TJP1: variants seen among roughly 807,000 people sequenced by gnomAD.
TJP1 encodes the protein tight junction protein ZO-1.
TJP1 carries 43 observed loss-of-function variants against 194.2 expected under a neutral mutation model. That is an observed-to-expected ratio of 0.22 (90% CI 0.17 to 0.29). TJP1 has a LOEUF of 0.29. TJP1 is among the 10% of genes least tolerant of loss of function. The probability of loss-of-function intolerance (pLI) is 1.00; values close to 1 mark genes in which losing one functional copy is unlikely to be tolerated. For synonymous variants in TJP1, 801 were observed against 779.0 expected (o/e 1.03, Z -0.47); for missense variants, 1,971 against 2,185.7 (o/e 0.90, Z 1.96).
intron 2 of TJP1, among the ~76,000 whole-genome samples, chr15:29,920,108 G>A (rs926214836): frequency 6.6e-5 from 10 of 152,142 alleles, no homozygotes; most frequent in African/African-American, 2.2e-4. Flanking sequence ...GCCGAAACTG[G>A]GGCACTGCCA....
At chr15:29,963,482 C>T (rs1322714220) in intron 1 of TJP1, among the ~76,000 whole-genome samples, 1 of 152,190 alleles carries the variant, frequency 6.6e-6, no homozygotes, top group East Asian at 1.9e-4. Flanking sequence ...CAAGTAATAG[C>T]TCAATGAATA....
At chr15:29,754,638 T>C (rs2045525505) in intron 8 of TJP1, among the ~76,000 whole-genome samples, 1 of 152,244 alleles carries the variant, frequency 6.6e-6, no homozygotes, top group African/African-American at 2.4e-5. Flanking sequence ...TTGGCAAAGT[T>C]GCACAGGTTA....
intron 1 of TJP1, among the ~76,000 whole-genome samples, chr15:29,808,076 T>C (rs2049228440): frequency 6.6e-6 from 1 of 152,162 alleles, no homozygotes; most frequent in East Asian, 1.9e-4. Flanking sequence ...AAGATCAGCC[T>C]GGCCAACCTG....
intron 5 of TJP1, 74 bp downstream of exon 5, chr15:29,766,192 A>G (rs1024115667): frequency 2.0e-6 from 3 of 1,528,952 alleles, no homozygotes; most frequent in South Asian, 2.6e-5. Flanking sequence ...ATGAAGAGAC[A>G]GCAACTGTAC....
At chr15:29,890,866 T>C (rs1017717182) in intron 2 of TJP1, among the ~76,000 whole-genome samples, 2 of 151,802 alleles carry the variant, frequency 1.3e-5, no homozygotes, top group African/African-American at 2.4e-5. Context: ...AATAAGAGAC[T>C]CTGCCAGCGA....
Position 29,716,806 on chromosome 15 carries a change from G to A in TJP1, c.4007C>T (p.Pro1336Leu). The A allele has an allele frequency of 6.2e-7, 1 of 1,605,332 alleles. No individual in the cohort carries two copies. Among genetic ancestry groups the A allele is most frequent in the Non-Finnish European group, 8.5e-7 (1 of 1,172,558 alleles). Residue 1336 changes from proline (P) to leucine (L), a missense_variant, in exon 23 of 28, where the codon CCA (proline) becomes CTA (leucine). Coordinates refer to ENST00000614355, the MANE Select transcript of TJP1 (RefSeq NM_001330239.4). ...ATTGGACCGAACAATATCTTCAGGT[G>A]GCTTCAGTTGAGGTTTTTGAGGTTC... ...IPEPQKPQLK[P>L]PEDIVRSNHY... is the part of the protein sequence containing the mutation.
intron 2 of TJP1, among the ~76,000 whole-genome samples, chr15:29,912,901 T>G (rs2152229710): frequency 6.6e-6 from 1 of 152,286 alleles, no homozygotes; most frequent in East Asian, 1.9e-4. Context: ...ATCAGTAATT[T>G]CATACGGTTT....
intron 9 of TJP1, among the ~76,000 whole-genome samples, chr15:29,741,668 A>G (rs554172330): frequency 1.3e-5 from 2 of 152,336 alleles, no homozygotes; most frequent in Non-Finnish European, 2.9e-5. Context: ...TGAAAAATCT[A>G]TTCTTTAAGA....
rs187196258 is a variant in TJP1, at chr15:29,776,698, A to C, written c.85-3341T>G. ...TCTTTCGGAAAATACTGGTTCCCTG[A>C]GTTAGGTAAATCTTCCAAATGATGC... On this transcript the variant is annotated intron_variant, in intron 2 of 27. Coordinates refer to ENST00000614355, the MANE Select transcript of TJP1 (RefSeq NM_001330239.4). 2.0e-5 allele frequency among the ~76,000 whole-genome samples: 3 copies of C among 152,214 alleles called. No individual in the cohort carries two copies. The East Asian group carries it at 5.8e-4, about 29-fold the overall frequency.
At chr15:29,716,964 C>G (rs1309752635) in intron 22 of TJP1, 126 bp from the exon 23 acceptor site, 1 of 793,764 alleles carries the variant, frequency 1.3e-6, no homozygotes, top group African/African-American at 1.7e-5. Flanking sequence ...TACTGAGGAT[C>G]TGAGCAGTCC....
intron 2 of TJP1, among the ~76,000 whole-genome samples, chr15:29,866,491 A>G (rs2052306474): frequency 6.6e-6 from 1 of 151,994 alleles, no homozygotes; most frequent in Non-Finnish European, 1.5e-5. Flanking sequence ...AAAACTCCAC[A>G]CTCACTGGAA....
intron 2 of TJP1, among the ~76,000 whole-genome samples, chr15:29,779,739 T>C (rs2047235072): frequency 6.6e-6 from 1 of 152,118 alleles, no homozygotes; most frequent in African/African-American, 2.4e-5. Context: ...TCTGGAAAAA[T>C]TAGCAGCAAT....
intron 2 of TJP1, among the ~76,000 whole-genome samples, chr15:29,952,872 G>T (rs1393146924): frequency 2.6e-5 from 4 of 152,086 alleles, no homozygotes; most frequent in Non-Finnish European, 5.9e-5. Context: ...TTACAAAGTG[G>T]TATCTATGGT....
intron 1 of TJP1, among the ~76,000 whole-genome samples, chr15:29,816,542 G>T (rs915811828): frequency 1.3e-5 from 2 of 152,058 alleles, no homozygotes; most frequent in African/African-American, 4.8e-5. Flanking sequence ...CTACAGTGAG[G>T]ATCATTAAAA....
At chr15:29,739,391 G>A (rs571255059) in intron 10 of TJP1, among the ~76,000 whole-genome samples, 10 of 152,230 alleles carry the variant, frequency 6.6e-5, no homozygotes, top group African/African-American at 1.7e-4. Flanking sequence ...TCCTGTCCAC[G>A]TCCTCAAATC....
chr15:29,816,728 T>C (rs1009177962), intron 1 of TJP1, among the ~76,000 whole-genome samples: 2 of 152,192 alleles, frequency 1.3e-5, no homozygotes, highest in African/African-American at 2.4e-5. Context: ...TTTTGTTCAT[T>C]AGCTTGGCCA....
At chr15:29,968,398 G>A (rs2056404589) in intron 1 of TJP1, 1 of 985,260 alleles carries the variant, frequency 1.0e-6, no homozygotes, top group Non-Finnish European at 1.2e-6. Flanking sequence ...CAGGCGTCCC[G>A]GCCGCTCCCC....
At chr15:29,882,510 C>T (rs1189499107) in intron 2 of TJP1, among the ~76,000 whole-genome samples, 1 of 152,052 alleles carries the variant, frequency 6.6e-6, no homozygotes, top group South Asian at 2.1e-4. Context: ...AGAAAATGGG[C>T]CACAAAATGA....
At chr15:29,775,466 T>C (rs916511563) in intron 2 of TJP1, among the ~76,000 whole-genome samples, 1 of 152,124 alleles carries the variant, frequency 6.6e-6, no homozygotes. Flanking sequence ...CCACAGTGCA[T>C]GGTAAGTGCT....
Sources: allele counts gnomAD v4.1 joint callset (sites outside exome capture counted in the v4.1 genomes callset), GRCh38; gene constraint gnomAD v4.1.1; transcripts MANE v1.5; gene names NCBI Gene and HGNC (gene_info 2026-07-23, HGNC 2026-07-21).